Variants in GRK1 observed in about 807,000 individuals in gnomAD.
GRK1 encodes rhodopsin kinase GRK1.
GRK1 carries 28 observed loss-of-function variants against 41.7 expected under a neutral mutation model. The observed-to-expected ratio is 0.67, with a 90% CI of 0.50 to 0.92. The LOEUF (loss-of-function observed/expected upper bound fraction) is 0.92, where lower values mean the gene tolerates loss of function less well. GRK1 is among the 40% of genes least tolerant of loss of function. GRK1 has a pLI of 0.00. For synonymous variants in GRK1, 327 were observed against 286.7 expected, an observed-to-expected ratio of 1.14 and a Z score of -1.42; for missense variants, 703 against 671.2, an observed-to-expected ratio of 1.05 and a Z score of -0.52.
At chr13:113,663,794 G>A (rs1020305952), upstream of GRK1, among the ~76,000 whole-genome samples, 9 of 152,190 alleles carry the variant, frequency 5.9e-5, no homozygotes, top group Non-Finnish European at 1.0e-4. Flanking sequence ...CTGTGGCAGC[G>A]CTAAACTCTG....
intron 4 of GRK1, among the ~76,000 whole-genome samples, chr13:113,729,313 G>C (rs1270898966): frequency 6.6e-6 from 1 of 152,268 alleles, no homozygotes; most frequent in Non-Finnish European, 1.5e-5. Context: ...GGCGGAGCCA[G>C]AACACAGAGC....
chr13:113,735,682 G>A lies in GRK1; in HGVS notation c.*319G>A, dbSNP rs2049999197. On this transcript the variant is annotated 3_prime_UTR_variant, in exon 7 of 7. Transcript: ENST00000335678. ...AACTCTTAGGGAGCCTCCTGCATTG[G>A]TGATTGACCAACCGTGTGGTCAGGG... is the stretch of plus-strand genomic sequence containing the variant. 8.1e-6 allele frequency: 2 copies of A among 248,350 alleles called. No individual in the cohort carries two copies. Among genetic ancestry groups the A allele is most frequent in the South Asian group, 1.5e-4 (1 of 6,670 alleles). 15.4% of individuals were successfully genotyped at this position (248,350 alleles called of 1,614,324 possible).
chr13:113,667,793 A>T lies in GRK1; in HGVS notation c.407A>T (p.Glu136Val), dbSNP rs768036501. 6 of 1,611,046 alleles carry T rather than the reference A, an allele frequency of 3.7e-6. No individual in the cohort carries two copies. Among genetic ancestry groups the T allele is most frequent in the Non-Finnish European group, 4.2e-6 (5 of 1,178,054 alleles). The change falls in exon 1 of 7, where the codon GAG becomes GTG. Residue 136 changes from glutamate to valine, a missense_variant. Transcript: ENST00000335678. The surrounding 1 kb of genome is among the most constrained non-coding windows in gnomAD (Gnocchi z 7.5). Reference protein sequence around the residue: ...LDEGIVAKFKEGPVEIQDGLF... With the variant: ...LDEGIVAKFKVGPVEIQDGLF... ...GAGGGGATAGTGGCGAAGTTTAAGG[A>T]GGGGCCTGTGGAGATCCAGGACGGG...
intron 6 of GRK1, among the ~76,000 whole-genome samples, chr13:113,733,554 CGT>C (rs955335199): frequency 3.1e-4 from 42 of 137,290 alleles, no homozygotes; most frequent in African/African-American, 3.1e-4. Flanking sequence ...TGTGCGCGCA[CGT>C]GTGTCCATGT....
At chr13:113,655,319 A>G in the GRK1 span, among the ~76,000 whole-genome samples, 305 of 152,272 alleles carry the variant, frequency 2.0e-3, 1 homozygote, top group African/African-American at 6.8e-3. Context: ...TTCCCCCATC[A>G]CAGGAAGGGA....
the GRK1 span, among the ~76,000 whole-genome samples, chr13:113,661,617 A>G: frequency 6.6e-6 from 1 of 152,184 alleles, no homozygotes; most frequent in African/African-American, 2.4e-5. Flanking sequence ...CTGTAGCTAG[A>G]GAGAAGGCTG....
At chr13:113,649,394 T>G in the GRK1 span, 5 of 1,594,966 alleles carry the variant, frequency 3.1e-6, no homozygotes, top group Middle Eastern at 2.0e-4. The surrounding 1 kb of genome is among the most constrained non-coding windows in gnomAD (Gnocchi z 4.7). Flanking sequence ...ATCTTGAGTT[T>G]GAACTCCACT....
intron 4 of GRK1, among the ~76,000 whole-genome samples, chr13:113,729,077 C>A (rs1009569886): frequency 2.0e-5 from 3 of 152,078 alleles, no homozygotes; most frequent in Non-Finnish European, 4.4e-5. Context: ...TGAAGGGAGG[C>A]GCCTTTTAGG....
chr13:113,728,999 A>G (rs141887200), intron 4 of GRK1, among the ~76,000 whole-genome samples: 28,505 of 152,090 alleles, frequency 0.19, 3,379 homozygotes, highest in African/African-American at 0.33. Context: ...ACTGGATTCC[A>G]TCTTCTCTGT....
chr13:113,732,820 G>A, intron 5 of GRK1, 64 bp from the exon 6 acceptor site: 1 of 1,513,214 alleles, frequency 6.6e-7, no homozygotes, highest in South Asian at 1.2e-5. Flanking sequence ...GAGGAGCTGT[G>A]GTCTGGTCTG....
chr13:113,734,175 CTT>C (rs1433640788), intron 6 of GRK1, among the ~76,000 whole-genome samples: 3 of 151,830 alleles, frequency 2.0e-5, no homozygotes, highest in East Asian at 1.9e-4. Flanking sequence ...GTGTGACTAA[CTT>C]AGGACAGGGC....
rs762180231 is a variant in GRK1 at position 113,667,524 on chromosome 13, G to A, written c.138G>A (p.Lys46=). 2.5e-6 allele frequency: 4 copies of A among 1,613,422 alleles called. No homozygotes were observed. Among genetic ancestry groups the A allele is most frequent in the Admixed American group, 1.7e-5 (1 of 59,998 alleles). Reference sequence around the variant, plus strand: ...AGCTCAAGCTGCCCCCGCTGTCCAAGTGTGAGTCCCTCCGCGACAGCCTCA... The same window carrying A: ...AGCTCAAGCTGCCCCCGCTGTCCAAATGTGAGTCCCTCCGCGACAGCCTCA... ...LAKLKLPPLS[K]CESLRDSLSL... is the part of the protein sequence containing the mutation. The change falls in exon 1 of 7, where the codon AAG becomes AAA. Residue 46 remains lysine, a synonymous_variant. Coordinates refer to ENST00000335678, the MANE Select transcript of GRK1 (RefSeq NM_002929.3). This position sits in a 1 kb window ranked among gnomAD's most constrained non-coding sequence, Gnocchi z 7.5.
the GRK1 span, chr13:113,650,353 T>C: frequency 2.6e-5 from 40 of 1,530,750 alleles, no homozygotes; most frequent in East Asian, 9.0e-4. This position sits in a 1 kb window ranked among gnomAD's most constrained non-coding sequence, Gnocchi z 5.0. Context: ...TTTCGCTAAG[T>C]GTGAGAGGAC....
chr13:113,727,747 G>T (rs1160616694), intron 4 of GRK1, among the ~76,000 whole-genome samples: 61 of 86,602 alleles, frequency 7.0e-4, no homozygotes, highest in South Asian at 3.6e-3. Context: ...TGGCGATGAG[G>T]ACCCATGGCG....
the GRK1 span, among the ~76,000 whole-genome samples, chr13:113,654,600 C>A: frequency 1.7e-4 from 26 of 152,380 alleles, no homozygotes; most frequent in African/African-American, 6.3e-4. Context: ...TAAGGGGCCG[C>A]TTATGCCTTG....
chr13:113,734,861 C>T, intron 6 of GRK1: 1 of 444,470 alleles, frequency 2.2e-6, no homozygotes, highest in Non-Finnish European at 3.9e-6. Flanking sequence ...CGGCCCCACT[C>T]AAGCCCCAGC....
At position 113,731,310 on chromosome 13, in the gene GRK1, G is replaced by C; in HGVS notation, c.1161G>C (p.Ala387=). The change falls in exon 5 of 7, where the codon GCG becomes GCC. Residue 387 remains alanine (A), a synonymous_variant. Coordinates refer to ENST00000335678, the MANE Select transcript of GRK1 (RefSeq NM_002929.3). This position sits in a 1 kb window ranked among gnomAD's most constrained non-coding sequence, Gnocchi z 5.6. ...GGGTCACCCTGTATGAGATGATTGC[G>C]GCCAGAGGACCCTTCCGAGCCCGTG... ...ALGVTLYEMI[A]ARGPFRARGE... 2.0e-6 allele frequency: 3 copies of C among 1,537,000 alleles called. No individual in the cohort carries two copies. The highest frequency in any genetic ancestry group is 2.6e-6 in the Non-Finnish European group (3 of 1,146,848).
chr13:113,670,028 C>T (rs2049846477), intron 2 of GRK1, among the ~76,000 whole-genome samples: 1 of 152,200 alleles, frequency 6.6e-6, no homozygotes, highest in African/African-American at 2.4e-5. Flanking sequence ...AGGCGCCCAA[C>T]CTGACAATCA....
the GRK1 span, chr13:113,650,521 GCCACT>G: frequency 1.9e-6 from 3 of 1,603,928 alleles, no homozygotes; most frequent in Non-Finnish European, 1.7e-6. This position sits in a 1 kb window ranked among gnomAD's most constrained non-coding sequence, Gnocchi z 5.0. Context: ...GGGAGGAGAG[GCCACT>G]GCCTGAGTCA....
Sources: allele counts gnomAD v4.1 joint callset (sites outside exome capture counted in the v4.1 genomes callset), GRCh38; gene constraint gnomAD v4.1.1; non-coding constraint Gnocchi (gnomAD v3.1); transcripts MANE v1.5; gene names NCBI Gene and HGNC (gene_info 2026-07-23, HGNC 2026-07-21).